The following NRXN3 variants were observed in gnomAD, a reference collection of about 807,000 sequenced individuals.
The protein encoded by NRXN3 is neurexin 3.
Under a neutral mutation model 137.6 loss-of-function variants are expected in NRXN3, and 32 were observed. The observed-to-expected ratio is 0.23, with a 90% CI of 0.18 to 0.31. The LOEUF (loss-of-function observed/expected upper bound fraction) is 0.31, where lower values mean the gene tolerates loss of function less well. Among genes scored for constraint, NRXN3 ranks in the 10% least tolerant of loss-of-function variants. The probability of loss-of-function intolerance (pLI) is 1.00; values close to 1 mark genes in which losing one functional copy is unlikely to be tolerated. For synonymous variants in NRXN3, 798 were observed against 784.5 expected (o/e 1.02, Z -0.29); for missense variants, 1,574 against 2,062.5 (o/e 0.76, Z 4.59).
At chr14:79,043,681 G>A (rs1568092907) in intron 15 of NRXN3, among the ~76,000 whole-genome samples, 1 of 152,250 alleles carries the variant, frequency 6.6e-6, no homozygotes, top group East Asian at 1.9e-4. Flanking sequence ...CTAGGTGGTG[G>A]CGGCAGTGTG....
At chr14:78,527,213 A>G (rs1365321026) in intron 4 of NRXN3, among the ~76,000 whole-genome samples, 1 of 152,178 alleles carries the variant, frequency 6.6e-6, no homozygotes, top group African/African-American at 2.4e-5. Context: ...TAAAGAAAGG[A>G]GGTTTAATTG....
At chr14:78,758,346 G>T (rs943673490) in intron 8 of NRXN3, among the ~76,000 whole-genome samples, 5 of 152,140 alleles carry the variant, frequency 3.3e-5, no homozygotes, top group South Asian at 4.1e-4. Context: ...ATGTAAGAAA[G>T]GTACTTAAAC....
At chr14:79,174,833 A>C (rs2062146841) in intron 15 of NRXN3, among the ~76,000 whole-genome samples, 1 of 152,072 alleles carries the variant, frequency 6.6e-6, no homozygotes, top group Admixed American at 6.6e-5. Context: ...GTAATGGAGA[A>C]AGATAAGAAT....
At chr14:78,967,868 G>A (rs2152999356) in intron 13 of NRXN3, among the ~76,000 whole-genome samples, 1 of 152,112 alleles carries the variant, frequency 6.6e-6, no homozygotes, top group South Asian at 2.1e-4. Context: ...CATATTATTG[G>A]TAACAAGCAC....
chr14:78,858,820 T>C (rs189278927), intron 10 of NRXN3, among the ~76,000 whole-genome samples: 1,609 of 152,336 alleles, frequency 0.011, 13 homozygotes, highest in Non-Finnish European at 0.018. Context: ...AACAAATATG[T>C]GAGCTCATTT....
intron 10 of NRXN3, among the ~76,000 whole-genome samples, chr14:78,938,776 C>G (rs31450): frequency 0.31 from 46,198 of 151,250 alleles, 11,375 homozygotes; most frequent in African/African-American, 0.67. Flanking sequence ...GAAGTCAGGA[C>G]TTGTTCTCTC....
intron 15 of NRXN3, among the ~76,000 whole-genome samples, chr14:79,456,742 AGAGAGGAGAGGAGAG>A (rs368005429): frequency 9.2e-5 from 14 of 151,938 alleles, no homozygotes; most frequent in Admixed American, 2.6e-4. Context: ...AGAAAGGAGA[AGAGAGGAGAGGAGAG>A]GAGAGGAGAG....
intron 10 of NRXN3, among the ~76,000 whole-genome samples, chr14:78,846,043 A>G (rs891167655): frequency 1.3e-5 from 2 of 151,998 alleles, no homozygotes; most frequent in African/African-American, 4.8e-5. Context: ...TTGCTTTCAT[A>G]CAGCCATTCC....
chr14:79,621,096 C>T (rs1270647345), intron 16 of NRXN3, among the ~76,000 whole-genome samples: 1 of 152,052 alleles, frequency 6.6e-6, no homozygotes, highest in East Asian at 1.9e-4. Context: ...CAAGTAATGT[C>T]AGCATTAGTT....
intron 1 of NRXN3, among the ~76,000 whole-genome samples, chr14:78,201,151 C>G (rs1187975247): frequency 1.3e-5 from 2 of 152,200 alleles, no homozygotes; most frequent in African/African-American, 4.8e-5. Flanking sequence ...TGCTGACCAT[C>G]TGGAAGAATC....
Position 78,243,817 on chromosome 14 carries a change from C to A in NRXN3, c.709+15C>A, listed in dbSNP as rs779308726. 8 of 1,539,756 alleles carry A rather than the reference C, an allele frequency of 5.2e-6. No individual in the cohort carries two copies. Among genetic ancestry groups the A allele is most frequent in the Non-Finnish European group, 7.0e-6 (8 of 1,149,016 alleles). ...CTGCTCAGAAGGTAAGACCCTCTCC[C>A]TCTCTTGCTAGAGACCCACCCACGG... On this transcript the variant is annotated intron_variant, in intron 2 of 20. Transcript: ENST00000335750. The surrounding 1 kb of genome is among the most constrained non-coding windows in gnomAD (Gnocchi z 4.2).
chr14:79,279,298 C>G (rs1183855473), intron 15 of NRXN3: 6 of 958,530 alleles, frequency 6.3e-6, no homozygotes, highest in Non-Finnish European at 7.5e-6. Context: ...CGGCAGAGCG[C>G]TGGGGCTGCA....
chr14:79,104,143 C>A (rs2051909353), intron 15 of NRXN3, among the ~76,000 whole-genome samples: 1 of 152,112 alleles, frequency 6.6e-6, no homozygotes, highest in Admixed American at 6.5e-5. Context: ...AACAAGTTTC[C>A]CTGTTCCTTC....
At chr14:78,633,890 GCCAC>G (rs2097544238) in intron 4 of NRXN3, among the ~76,000 whole-genome samples, 1 of 152,216 alleles carries the variant, frequency 6.6e-6, no homozygotes, top group South Asian at 2.1e-4. Context: ...CTTTTAACAA[GCCAC>G]TCTGTCTAGA....
intron 15 of NRXN3, among the ~76,000 whole-genome samples, chr14:79,441,153 A>G (rs1758958122): frequency 6.6e-6 from 1 of 152,168 alleles, no homozygotes; most frequent in African/African-American, 2.4e-5. Context: ...CACCTTTTAA[A>G]TAATCTCATA....
intron 15 of NRXN3, among the ~76,000 whole-genome samples, chr14:79,348,827 G>C (rs1427628426): frequency 3.3e-5 from 5 of 152,132 alleles, no homozygotes; most frequent in Non-Finnish European, 2.9e-5. Flanking sequence ...ATCAATTACT[G>C]CAGATTTTTG....
chr14:79,520,410 A>G (rs1446761137), intron 16 of NRXN3, among the ~76,000 whole-genome samples: 4 of 152,124 alleles, frequency 2.6e-5, no homozygotes, highest in Non-Finnish European at 5.9e-5. Flanking sequence ...CCTGTCATCT[A>G]CATTAGGTAT....
intron 16 of NRXN3, among the ~76,000 whole-genome samples, chr14:79,560,915 C>T (rs1159040054): frequency 2.0e-5 from 3 of 152,130 alleles, no homozygotes; most frequent in African/African-American, 7.2e-5. Flanking sequence ...CCTGTGTTGT[C>T]AAGCTGCTCC....
At chr14:78,821,203 A>G (rs1010831634) in intron 10 of NRXN3, among the ~76,000 whole-genome samples, 1 of 152,206 alleles carries the variant, frequency 6.6e-6, no homozygotes, top group Non-Finnish European at 1.5e-5. Flanking sequence ...TAGGAGTGGA[A>G]TGAAATTTAT....
Sources: allele counts gnomAD v4.1 joint callset (sites outside exome capture counted in the v4.1 genomes callset), GRCh38; gene constraint gnomAD v4.1.1; non-coding constraint Gnocchi (gnomAD v3.1); transcripts MANE v1.5; gene names NCBI Gene and HGNC (gene_info 2026-07-23, HGNC 2026-07-21).